Variants in TYRP1 observed in about 807,000 individuals in gnomAD.
TYRP1 encodes the protein tyrosinase related protein 1, also known as 5,6-dihydroxyindole-2-carboxylic acid oxidase.
TYRP1 carries 49 observed loss-of-function variants against 42.8 expected under a neutral mutation model. The ratio of observed to expected loss-of-function variants is 1.14; its 90% confidence interval spans 0.91 to 1.45. The LOEUF (loss-of-function observed/expected upper bound fraction) is 1.45, where lower values mean the gene tolerates loss of function less well. Among genes scored for constraint, TYRP1 ranks in the 40% most tolerant of loss-of-function variants. The pLI, the probability that TYRP1 is intolerant of heterozygous loss-of-function variation, is 0.00. For missense variants in TYRP1, 848 were observed against 662.0 expected (o/e 1.28, Z -3.08); for synonymous variants, 279 against 235.4 (o/e 1.19, Z -1.69).
intron 6 of TYRP1, among the ~76,000 whole-genome samples, 181 bp downstream of exon 6, chr9:12,704,886 T>C (rs1818233735): frequency 2.0e-5 from 3 of 152,026 alleles, no homozygotes; most frequent in Admixed American, 2.0e-4. Context: ...GCAAGAAGTC[T>C]CTCCAAATAG....
Position 12,709,324 on chromosome 9 carries a change from CT to C in TYRP1, c.*146del. 1 of 859,980 alleles carries C rather than the reference CT, an allele frequency of 1.2e-6. No individual in the cohort carries two copies. The highest frequency in any genetic ancestry group is 1.5e-5 in the South Asian group (1 of 67,768). The allele number at this position is 859,980 out of a possible 1,614,324, so 53.3% of individuals were successfully genotyped here. On this transcript the variant is annotated 3_prime_UTR_variant, in exon 8 of 8. Coordinates refer to ENST00000388918, the MANE Select transcript of TYRP1 (RefSeq NM_000550.3). ...TGTTAGCATTAAAGTTCTAGGCATA[CT>C]TTTCAAAGCTGGGAAGACCCTTTCA... is the stretch of plus-strand genomic sequence containing the variant.
chr9:12,707,987 A>C lies in TYRP1; in HGVS notation c.1262-10A>C. The C allele has an allele frequency of 1.2e-6, 2 of 1,607,776 alleles. No individual in the cohort carries two copies. Among genetic ancestry groups the C allele is most frequent in the Non-Finnish European group, 1.7e-6 (2 of 1,175,760 alleles). On this transcript the variant is annotated splice_polypyrimidine_tract_variant and intron_variant, in intron 6 of 7. Coordinates refer to ENST00000388918, the MANE Select transcript of TYRP1 (RefSeq NM_000550.3). ...ATGTTTATTAATACGTTGTCTTTGG[A>C]ATAATTTAGATATATCCACATTTCC...
chr9:12,698,615 C>G lies in TYRP1; in HGVS notation c.873C>G (p.Asp291Glu), dbSNP rs1373738950. 2.5e-6 allele frequency: 4 copies of G among 1,613,624 alleles called. No individual in the cohort carries two copies. The highest frequency in any genetic ancestry group is 1.1e-5 in the South Asian group (1 of 91,082). ...SVFSQWRVVC[D>E]SLEDYDTLGT... ...TTTCTCAATGGCGAGTGGTCTGTGACTCCTTGGAAGATTATGATACCCTGG... is the reference window on the plus strand; with the variant it reads ...TTTCTCAATGGCGAGTGGTCTGTGAGTCCTTGGAAGATTATGATACCCTGG... The change falls in exon 4 of 8, where the codon GAC becomes GAG. Residue 291 changes from aspartate to glutamate, a missense_variant. Transcript: ENST00000388918.
At chr9:12,698,151 A>G (rs1291176436) in intron 3 of TYRP1, among the ~76,000 whole-genome samples, 1 of 152,116 alleles carries the variant, frequency 6.6e-6, no homozygotes, top group Non-Finnish European at 1.5e-5. Flanking sequence ...ATATAAATGT[A>G]ATTATCTGCC....
rs1818291018 is a variant in TYRP1, at chr9:12,708,138, G to A, written c.1403G>A (p.Trp468Ter). 6.2e-7 allele frequency: 1 copy of A among 1,612,414 alleles called. No homozygotes were observed. The highest frequency in any genetic ancestry group is 1.3e-5 in the African/African-American group (1 of 74,800). Reference protein sequence around the residue: ...DNLGYTYEIQWPSREFSVPEI... With the variant: ...DNLGYTYEIQ ...CTGGGATACACTTATGAAATTCAATGGCCAAGTGAGTGTTGAAAGTGTATT... is the reference window on the plus strand; with the variant it reads ...CTGGGATACACTTATGAAATTCAATAGCCAAGTGAGTGTTGAAAGTGTATT... The change falls in exon 7 of 8, where the codon TGG (tryptophan) becomes TAG (stop). Residue 468 changes from tryptophan to a stop codon, truncating the protein, a stop_gained. Coordinates refer to ENST00000388918, the MANE Select transcript of TYRP1 (RefSeq NM_000550.3). LOFTEE classifies it low-confidence loss of function (END_TRUNC).
rs1261947738 is a variant in TYRP1, at chr9:12,710,249, T to TA, written c.*1072dup. 1.9e-5 allele frequency: 2 copies of TA among 103,978 alleles called. No individual in the cohort carries two copies. The highest frequency in any genetic ancestry group is 5.7e-5 in the Non-Finnish European group (2 of 34,894). 6.4% of individuals were successfully genotyped at this position (103,978 alleles called of 1,614,324 possible). On this transcript the variant is annotated 3_prime_UTR_variant, in exon 8 of 8. Transcript: ENST00000388918. ...AAGTGAATATTTTAATTAAAATTGG[T>TA]AAAAATAAATAATAACAGTAATAAT...
At chr9:12,707,796 A>T (rs2118271463) in intron 6 of TYRP1, 1 of 560,426 alleles carries the variant, frequency 1.8e-6, no homozygotes. Context: ...TAAGTGGTAT[A>T]TTGGTACTGT....
At chr9:12,696,349 T>A (rs1471299007) in intron 3 of TYRP1, among the ~76,000 whole-genome samples, 1 of 152,090 alleles carries the variant, frequency 6.6e-6, no homozygotes, top group Non-Finnish European at 1.5e-5. Context: ...ATATTTTCAT[T>A]GAACTATATT....
chr9:12,702,522 C>T (rs1818188695), intron 5 of TYRP1, 84 bp downstream of exon 5: 2 of 1,334,238 alleles, frequency 1.5e-6, no homozygotes, highest in Non-Finnish European at 2.1e-6. Flanking sequence ...TTTGAGAAGG[C>T]TTTGAATAGT....
At chr9:12,708,620 C>CTT in intron 7 of TYRP1, among the ~76,000 whole-genome samples, 1 of 151,970 alleles carries the variant, frequency 6.6e-6, no homozygotes, top group Middle Eastern at 3.4e-3. Context: ...TTGTTTAAAT[C>CTT]TTTTCCCCAA....
At chr9:12,707,801 T>C in intron 6 of TYRP1, 196 bp from the exon 7 acceptor site, 1 of 576,708 alleles carries the variant, frequency 1.7e-6, no homozygotes, top group Non-Finnish European at 3.0e-6. Flanking sequence ...GGTATATTGG[T>C]ACTGTATTCA....
chr9:12,703,905 GTGTGTA>G (rs762884004), intron 5 of TYRP1, among the ~76,000 whole-genome samples: 5,524 of 150,330 alleles, frequency 0.037, 124 homozygotes, highest in Non-Finnish European at 0.051. Flanking sequence ...GTGTGTGTGT[GTGTGTA>G]TATATGTGTG....
At position 12,695,724 on chromosome 9, in the gene TYRP1, A is replaced by G. The variant is rs771763544; in HGVS notation, c.595A>G (p.Thr199Ala). 27 of 1,614,046 alleles carry G rather than the reference A, an allele frequency of 1.7e-5. No homozygotes were observed. Among genetic ancestry groups the G allele is most frequent in the Non-Finnish European group, 2.2e-5 (26 of 1,180,026 alleles). Residue 199 changes from threonine (T) to alanine (A), a missense_variant, in exon 3 of 8, where the codon ACT (threonine) becomes GCT (alanine). Physicochemically the swap from Thr to Ala is moderately conservative, Grantham distance 58. Coordinates refer to ENST00000388918, the MANE Select transcript of TYRP1 (RefSeq NM_000550.3). ...GACACACTATTACTCAGTCAAAAAG[A>G]CTTTCCTTGGGGTAGGACAGGAAAG... Reference protein sequence around the residue: ...VWTHYYSVKKTFLGVGQESFG... With the variant: ...VWTHYYSVKKAFLGVGQESFG...
intron 4 of TYRP1, among the ~76,000 whole-genome samples, chr9:12,701,277 C>G (rs889304341): frequency 1.3e-5 from 2 of 151,892 alleles, no homozygotes; most frequent in Non-Finnish European, 2.9e-5. Flanking sequence ...CCACTACTAT[C>G]CTGGCACATA....
intron 3 of TYRP1, 47 bp downstream of exon 3, chr9:12,695,884 C>A (rs1464278677): frequency 1.3e-6 from 2 of 1,569,772 alleles, no homozygotes; most frequent in African/African-American, 1.4e-5. Context: ...AGACAAGATG[C>A]CTTGTTTGTA....
chr9:12,695,708 T>C lies in TYRP1; in HGVS notation c.579T>C (p.Tyr193=). The C allele has an allele frequency of 6.2e-7, 1 of 1,614,186 alleles. No homozygotes were observed. The highest frequency in any genetic ancestry group is 8.5e-7 in the Non-Finnish European group (1 of 1,180,030). The change falls in exon 3 of 8, where the codon TAT becomes TAC. Residue 193 remains tyrosine (Y), a synonymous_variant. Transcript: ENST00000388918. ...SIYNYFVWTH[Y]YSVKKTFLGV... ...ATAACTACTTTGTTTGGACACACTA[T>C]TACTCAGTCAAAAAGACTTTCCTTG...
rs1206001202 is a variant in TYRP1, at chr9:12,704,537, C to G, written c.1093C>G (p.Pro365Ala). ...TACCATGTGTCTAGGTTACAGTGAC[C>G]CCACGGGAAAGTATGACCCTGCTGT... is the stretch of plus-strand genomic sequence containing the variant. ...FRNTVEGYSDPTGKYDPAVRS... is the reference protein window; with the variant it reads ...FRNTVEGYSDATGKYDPAVRS... The change falls in exon 6 of 8, where the codon CCC becomes GCC. Residue 365 changes from proline (P) to alanine (A), a missense_variant. Pro to Ala is a conservative substitution (Grantham distance 27). Coordinates refer to ENST00000388918, the MANE Select transcript of TYRP1 (RefSeq NM_000550.3). 6.2e-7 allele frequency: 1 copy of G among 1,611,950 alleles called. No homozygotes were observed. Among genetic ancestry groups the G allele is most frequent in the Non-Finnish European group, 8.5e-7 (1 of 1,179,328 alleles).
chr9:12,697,977 A>T (rs1818103762), intron 3 of TYRP1, among the ~76,000 whole-genome samples: 1 of 152,152 alleles, frequency 6.6e-6, no homozygotes, highest in South Asian at 2.1e-4. Context: ...ATTAAATTTA[A>T]AAACAGAAGC....
chr9:12,702,405 A>C lies in TYRP1; in HGVS notation c.1048A>C (p.Asn350His). The C allele has an allele frequency of 6.2e-7, 1 of 1,612,936 alleles. No individual in the cohort carries two copies. Among genetic ancestry groups the C allele is most frequent in the Non-Finnish European group, 8.5e-7 (1 of 1,179,340 alleles). The change falls in exon 5 of 8, where the codon AAC becomes CAC. Residue 350 changes from asparagine (N) to histidine (H), a missense_variant. Physicochemically the swap from Asn to His is moderately conservative, Grantham distance 68. Transcript: ENST00000388918. Reference sequence around the variant, plus strand: ...ATTTGACACGCCTCCTTTTTATTCCAACTCTACAAACAGTTTCCGAAACAC... The same window carrying C: ...ATTTGACACGCCTCCTTTTTATTCCCACTCTACAAACAGTTTCCGAAACAC... ...GLFDTPPFYS[N>H]STNSFRNTVE...
Sources: allele counts gnomAD v4.1 joint callset (sites outside exome capture counted in the v4.1 genomes callset), GRCh38; gene constraint gnomAD v4.1.1; transcripts MANE v1.5; gene names NCBI Gene and HGNC (gene_info 2026-07-23, HGNC 2026-07-21).